OSBPL5: variants seen among roughly 807,000 people sequenced by gnomAD.
OSBPL5 encodes the protein oxysterol binding protein like 5, also known as oxysterol-binding protein-related protein 5.
A neutral mutation model predicts 111.2 loss-of-function variants in OSBPL5; 71 were observed. The ratio of observed to expected loss-of-function variants is 0.64; its 90% CI spans 0.53 to 0.78. OSBPL5 has a LOEUF of 0.78. Ranked by LOEUF, OSBPL5 falls within the 30% of genes least tolerant of loss-of-function variation. The probability of loss-of-function intolerance (pLI) is 0.00; values close to 1 mark genes in which losing one functional copy is unlikely to be tolerated. For synonymous variants in OSBPL5, 549 were observed against 513.9 expected (o/e 1.07, Z -0.93); for missense variants, 1,210 against 1,189.3 (o/e 1.02, Z -0.26).
At chr11:3,137,677 C>T (rs1418098065) in intron 1 of OSBPL5, among the ~76,000 whole-genome samples, 1 of 152,204 alleles carries the variant, frequency 6.6e-6, no homozygotes, top group African/African-American at 2.4e-5. Flanking sequence ...GTTGTGGTGG[C>T]ACATGCCTGT....
chr11:3,100,200 C>A lies in OSBPL5; in HGVS notation c.1579G>T (p.Ala527Ser), dbSNP rs769927140. The A allele has an allele frequency of 6.2e-7, 1 of 1,614,130 alleles. No individual in the cohort carries two copies. Residue 527 changes from alanine to serine, a missense_variant, in exon 14 of 22, where the codon GCC becomes TCC. Coordinates refer to ENST00000263650, the MANE Select transcript of OSBPL5 (RefSeq NM_020896.4). ...GGCATGGTAAGGGTGTAATCCTCGG[C>A]TCGGTTCAGGAAGGTGAGCGTGGCT... ...GKATLTFLNR[A>S]EDYTLTMPYA...
chr11:3,122,136 GCACCGAGCTGCCCCAGCTCCTCC>G, intron 4 of OSBPL5, 38 bp from the exon 5 acceptor site: 2 of 1,523,178 alleles, frequency 1.3e-6, no homozygotes, highest in Non-Finnish European at 1.8e-6. Context: ...ATGGGAGAAG[GCACCGAGCTGCCCCAGCTCCTCC>G]CACCGTCCAG....
chr11:3,117,747 A>AT lies in OSBPL5; in HGVS notation c.691+1799dup, dbSNP rs111623249. Among the ~76,000 whole-genome samples the AT allele has an allele frequency of 9.2e-5, 14 of 151,910 alleles. No homozygotes were observed. The South Asian group carries it at 2.5e-3, about 27-fold the overall frequency. On this transcript the variant is annotated intron_variant, in intron 7 of 21. Transcript: ENST00000263650. ...ATAATGTTTTCAATTTTTTTCCTTC[A>AT]TTTTTTTCCCATTTTTCCTAATTTG... is the stretch of plus-strand genomic sequence containing the variant.
chr11:3,120,240 T>A (rs1328487354), intron 6 of OSBPL5, among the ~76,000 whole-genome samples, 181 bp downstream of exon 6: 1 of 152,156 alleles, frequency 6.6e-6, no homozygotes, highest in African/African-American at 2.4e-5. Context: ...GTGCTTCACA[T>A]GGAGCACCAG....
At chr11:3,148,013 C>A (rs575985848) in intron 1 of OSBPL5, among the ~76,000 whole-genome samples, 1 of 152,198 alleles carries the variant, frequency 6.6e-6, no homozygotes, top group Non-Finnish European at 1.5e-5. Flanking sequence ...ATCCTCCGCA[C>A]GCCCCCGGCA....
At chr11:3,150,448 A>C (rs1283148113) in intron 1 of OSBPL5, among the ~76,000 whole-genome samples, 1 of 152,090 alleles carries the variant, frequency 6.6e-6, no homozygotes, top group Non-Finnish European at 1.5e-5. Context: ...GGAGGAGCCC[A>C]GCAGCCCCTA....
At chr11:3,137,639 C>T (rs1226006870) in intron 1 of OSBPL5, among the ~76,000 whole-genome samples, 1 of 152,070 alleles carries the variant, frequency 6.6e-6, no homozygotes, top group East Asian at 1.9e-4. Flanking sequence ...ATAGCGAGAC[C>T]CTGTCTCTAC....
At chr11:3,160,016 T>C (rs994844321) in intron 1 of OSBPL5, among the ~76,000 whole-genome samples, 1 of 152,136 alleles carries the variant, frequency 6.6e-6, no homozygotes, top group African/African-American at 2.4e-5. Context: ...ATCACCACCA[T>C]CAATCTCTTA....
At chr11:3,153,136 T>C (rs1192403354) in intron 1 of OSBPL5, among the ~76,000 whole-genome samples, 2 of 152,014 alleles carry the variant, frequency 1.3e-5, no homozygotes, top group Non-Finnish European at 2.9e-5. Context: ...AGTCCTGTCA[T>C]GTAGCGGTGG....
chr11:3,098,736 C>T (rs1857362654), intron 14 of OSBPL5, among the ~76,000 whole-genome samples: 1 of 151,598 alleles, frequency 6.6e-6, no homozygotes, highest in South Asian at 2.1e-4. Context: ...AACTCCTGAC[C>T]TCAGGTGATC....
At chr11:3,117,791 C>T (rs1024510590) in intron 7 of OSBPL5, among the ~76,000 whole-genome samples, 3 of 152,166 alleles carry the variant, frequency 2.0e-5, no homozygotes, top group Non-Finnish European at 4.4e-5. Context: ...GAAGACTAAG[C>T]TGTGCTTTCT....
In OSBPL5 at chr11:3,121,114, G is replaced by A. The variant is rs1858399160; in HGVS notation, c.403-490C>T. Among the ~76,000 whole-genome samples the A allele has an allele frequency of 6.7e-6, 1 of 148,200 alleles. No individual in the cohort carries two copies. Among genetic ancestry groups the A allele is most frequent in the African/African-American group, 2.5e-5 (1 of 39,898 alleles). ...CTCTGTTGCCCAGGCTGGAGGTGCA[G>A]TGGTGCTATCTTGGCTCGCTGCAAA... On this transcript the variant is annotated intron_variant, in intron 5 of 21. Coordinates refer to ENST00000263650, the MANE Select transcript of OSBPL5 (RefSeq NM_020896.4). The surrounding 1 kb of genome is among the most constrained non-coding windows in gnomAD (Gnocchi z 4.3).
Position 3,105,725 on chromosome 11 carries a change from T to C in OSBPL5, c.1060-1348A>G, listed in dbSNP as rs1333737572. On this transcript the variant is annotated intron_variant, in intron 9 of 21. Coordinates refer to ENST00000263650, the MANE Select transcript of OSBPL5 (RefSeq NM_020896.4). The surrounding 1 kb of genome is among the most constrained non-coding windows in gnomAD (Gnocchi z 5.2). ...CCCCACCTCTGTGAAGCCTTATCTG[T>C]GCTCGGCCTCTGAAGGTTGGGTGCC... Among the ~76,000 whole-genome samples the C allele has an allele frequency of 6.6e-6, 1 of 152,158 alleles. No individual in the cohort carries two copies. The highest frequency in any genetic ancestry group is 1.5e-5 in the Non-Finnish European group (1 of 68,022).
At chr11:3,114,432 T>C (rs566790819) in intron 7 of OSBPL5, among the ~76,000 whole-genome samples, 2 of 152,038 alleles carry the variant, frequency 1.3e-5, no homozygotes, top group South Asian at 2.1e-4. Context: ...AAGCGTGGCA[T>C]GAATGGTCTA....
chr11:3,158,313 C>T (rs1846843146), intron 1 of OSBPL5, among the ~76,000 whole-genome samples: 1 of 152,252 alleles, frequency 6.6e-6, no homozygotes, highest in Non-Finnish European at 1.5e-5. Context: ...GGCGAGGGTT[C>T]CCTTCAAAGC....
intron 3 of OSBPL5, among the ~76,000 whole-genome samples, chr11:3,123,181 G>T (rs529871374): frequency 6.6e-6 from 1 of 152,304 alleles, no homozygotes; most frequent in Admixed American, 6.5e-5. Flanking sequence ...GCAGAAGGGG[G>T]CCACGGTTCT....
intron 7 of OSBPL5, among the ~76,000 whole-genome samples, chr11:3,112,115 G>T (rs1175454480): frequency 6.7e-6 from 1 of 149,514 alleles, no homozygotes; most frequent in African/African-American, 2.5e-5. Flanking sequence ...GTGTGTGCAT[G>T]TGTGTGTGTG....
At chr11:3,143,883 G>A (rs568181624) in intron 1 of OSBPL5, among the ~76,000 whole-genome samples, 8 of 152,322 alleles carry the variant, frequency 5.3e-5, no homozygotes, top group Admixed American at 1.3e-4. Context: ...GAAGGCACCC[G>A]GGCTGCAGTG....
chr11:3,097,153 GA>G (rs1344465849), intron 14 of OSBPL5, among the ~76,000 whole-genome samples: 1 of 83,952 alleles, frequency 1.2e-5, no homozygotes. Context: ...AGGAGGAGAG[GA>G]AAAGGGGGGA....
Sources: gnomAD v4.1 joint callset for allele counts (sites outside exome capture counted in the v4.1 genomes callset) on GRCh38, gnomAD v4.1.1 for gene constraint, Gnocchi (gnomAD v3.1) non-coding constraint, MANE v1.5 for transcripts, NCBI Gene and HGNC (gene_info 2026-07-23, HGNC 2026-07-21) for gene names.